Variants in DENND5B observed in about 807,000 individuals in gnomAD.
DENND5B encodes DENN domain-containing protein 5B.
DENND5B carries 34 observed loss-of-function variants against 140.6 expected under a neutral mutation model. That is an observed-to-expected ratio of 0.24 (90% CI 0.18 to 0.32). DENND5B has a LOEUF of 0.32. DENND5B is among the 10% of genes least tolerant of loss of function. DENND5B has a pLI of 1.00. For synonymous variants in DENND5B, 551 were observed against 562.1 expected (o/e 0.98, Z 0.28); for missense variants, 1,142 against 1,560.2 (o/e 0.73, Z 4.52).
Position 31,420,095 on chromosome 12 carries a change from C to G in DENND5B, c.2470+3502G>C, listed in dbSNP as rs73078600. The G allele has an allele frequency of 9.9e-3, 9,765 of 981,992 alleles. 68 individuals are homozygous for G. Among genetic ancestry groups the G allele is most frequent in the Middle Eastern group, 0.046 (87 of 1,908 alleles). The allele number at this position is 981,992 out of a possible 1,614,324, so 60.8% of individuals were successfully genotyped here. On this transcript the variant is annotated intron_variant, in intron 11 of 20. Transcript: ENST00000389082. ...TTTAGTAGAACCTTGTCTGAAGGTG[C>G]AAAGTTTAAGAACTGGCTCAACGTT...
At chr12:31,576,696 A>C (rs1293892492) in intron 1 of DENND5B, among the ~76,000 whole-genome samples, 1 of 152,020 alleles carries the variant, frequency 6.6e-6, no homozygotes, top group East Asian at 1.9e-4. Context: ...CAGCTTGAGC[A>C]ATAAAGCAAG....
chr12:31,575,332 A>T (rs1052731913), intron 1 of DENND5B, among the ~76,000 whole-genome samples: 1 of 152,208 alleles, frequency 6.6e-6, no homozygotes, highest in Non-Finnish European at 1.5e-5. Context: ...TGTCATTCTC[A>T]TAGAATTCCA....
At chr12:31,536,141 G>C (rs937080132) in intron 1 of DENND5B, among the ~76,000 whole-genome samples, 1 of 152,076 alleles carries the variant, frequency 6.6e-6, no homozygotes, top group African/African-American at 2.4e-5. Context: ...CCCAGAAGTC[G>C]AGCAGATGTC....
chr12:31,481,544 C>A (rs1033662563), intron 2 of DENND5B, among the ~76,000 whole-genome samples: 1 of 152,092 alleles, frequency 6.6e-6, no homozygotes, highest in Non-Finnish European at 1.5e-5. Context: ...AAAAATGAAG[C>A]CCAACTGAAA....
chr12:31,452,256 C>T lies in DENND5B; in HGVS notation c.1313G>A (p.Cys438Tyr). 6.2e-7 allele frequency: 1 copy of T among 1,613,930 alleles called. No homozygotes were observed. Among genetic ancestry groups the T allele is most frequent in the African/African-American group, 1.3e-5 (1 of 75,020 alleles). The change falls in exon 5 of 21, where the codon TGT becomes TAT. Residue 438 changes from cysteine (C) to tyrosine (Y), a missense_variant. Cys to Tyr is a radical substitution (Grantham distance 194, BLOSUM62 -2). Coordinates refer to ENST00000389082, the MANE Select transcript of DENND5B (RefSeq NM_144973.4). ...CTCATACATGCTGATGTTATTAGTA[C>T]AGACATTGCCGTTCTTTTTGTCATT... ...LVNDKKNGNV[C>Y]TNNISMYELL...
At chr12:31,461,841 G>A (rs915127510) in intron 3 of DENND5B, among the ~76,000 whole-genome samples, 2 of 152,114 alleles carry the variant, frequency 1.3e-5, no homozygotes, top group African/African-American at 4.8e-5. Flanking sequence ...ATCTTTGGGA[G>A]GAAGAATTTA....
rs1297224060 is a variant in DENND5B, at chr12:31,384,543, T to C, written c.*3060A>G. On this transcript the variant is annotated 3_prime_UTR_variant, in exon 21 of 21. Coordinates refer to ENST00000389082, the MANE Select transcript of DENND5B (RefSeq NM_144973.4). ...CCCCACATGTTTATAGCACAGGCTG[T>C]ATCAACGGAATAAGTACATGGGCTC... is the stretch of plus-strand genomic sequence containing the variant. The C allele has an allele frequency of 3.9e-5, 6 of 152,298 alleles. No individual in the cohort carries two copies. The highest frequency in any genetic ancestry group is 2.1e-4 in the South Asian group (1 of 4,822). The allele number at this position is 152,298 out of a possible 1,614,324, so 9.4% of individuals were successfully genotyped here.
intron 1 of DENND5B, among the ~76,000 whole-genome samples, chr12:31,528,811 C>G (rs1948176164): frequency 6.6e-6 from 1 of 152,106 alleles, no homozygotes; most frequent in Admixed American, 6.6e-5. Flanking sequence ...GGAGGGAGGT[C>G]TGAGCTAGAG....
At chr12:31,471,188 G>A (rs1433656461) in intron 3 of DENND5B, among the ~76,000 whole-genome samples, 1 of 152,138 alleles carries the variant, frequency 6.6e-6, no homozygotes, top group Non-Finnish European at 1.5e-5. Flanking sequence ...AAAATTATGT[G>A]GAAACCGCCT....
Position 31,385,320 on chromosome 12 carries a change from C to G in DENND5B, c.*2283G>C, listed in dbSNP as rs1426126810. On this transcript the variant is annotated 3_prime_UTR_variant, in exon 21 of 21. Transcript: ENST00000389082. ...TTCTAGAGCTTGTGTTGTCAGTAAC[C>G]AGCTGTGGGGTAAGTGTAAGATTTA... 4 of 152,108 alleles carry G rather than the reference C, an allele frequency of 2.6e-5. No homozygotes were observed. The highest frequency in any genetic ancestry group is 5.9e-5 in the Non-Finnish European group (4 of 68,026). 9.4% of individuals were successfully genotyped at this position (152,108 alleles called of 1,614,324 possible).
At chr12:31,491,320 G>A (rs969274295) in intron 2 of DENND5B, among the ~76,000 whole-genome samples, 6 of 152,138 alleles carry the variant, frequency 3.9e-5, no homozygotes, top group South Asian at 2.1e-4. Context: ...AGGCGTGATG[G>A]TGCGCGACTA....
At chr12:31,473,871 T>C (rs1256436957) in intron 3 of DENND5B, among the ~76,000 whole-genome samples, 2 of 152,198 alleles carry the variant, frequency 1.3e-5, no homozygotes, top group African/African-American at 4.8e-5. Flanking sequence ...TTCTCACATA[T>C]AGGGAGCCTC....
At chr12:31,500,191 G>C (rs1365591874) in intron 1 of DENND5B, among the ~76,000 whole-genome samples, 2 of 152,078 alleles carry the variant, frequency 1.3e-5, no homozygotes, top group African/African-American at 2.4e-5. Flanking sequence ...TTTTGGATTA[G>C]GAATGCTCAA....
chr12:31,403,375 CCCTT>C (rs1299888382), intron 14 of DENND5B, among the ~76,000 whole-genome samples: 4 of 125,590 alleles, frequency 3.2e-5, no homozygotes, highest in African/African-American at 1.0e-4. Context: ...TGCATGTCCT[CCCTT>C]CTTTTTTTTT....
intron 11 of DENND5B, among the ~76,000 whole-genome samples, chr12:31,416,011 A>AT (rs1408768361): frequency 6.6e-6 from 1 of 150,668 alleles, no homozygotes; most frequent in Non-Finnish European, 1.5e-5. Flanking sequence ...AATTTTTTGT[A>AT]TTTTTAGGAG....
At chr12:31,409,455 CA>C in intron 13 of DENND5B, 71 bp from the exon 14 acceptor site, 3 of 918,696 alleles carry the variant, frequency 3.3e-6, no homozygotes, top group Non-Finnish European at 4.2e-6. Context: ...ACAGTAGTAT[CA>C]TGTACTTTTC....
chr12:31,588,037 T>C (rs1016847033), intron 1 of DENND5B, among the ~76,000 whole-genome samples: 9 of 152,186 alleles, frequency 5.9e-5, no homozygotes, highest in African/African-American at 2.2e-4. Context: ...CATGAGGCCC[T>C]ATACAATCTC....
In DENND5B at chr12:31,586,697, T is replaced by C. The variant is rs559962209; in HGVS notation, c.127+4009A>G. Among the ~76,000 whole-genome samples, 6 of 152,318 alleles carry C rather than the reference T, an allele frequency of 3.9e-5. No homozygotes were observed. In the East Asian group the frequency reaches 9.6e-4, roughly 24 times the overall value. On this transcript the variant is annotated intron_variant, in intron 1 of 20. Coordinates refer to ENST00000389082, the MANE Select transcript of DENND5B (RefSeq NM_144973.4). The stretch of plus-strand genomic sequence containing the variant: ...TCTTTGATTTCAATGTCCCACCACC[T>C]GCAGAGTGTGAATTCTAGGAATATG...
chr12:31,460,060 C>T (rs1944944248), intron 4 of DENND5B, 134 bp downstream of exon 4: 2 of 841,290 alleles, frequency 2.4e-6, no homozygotes, highest in Non-Finnish European at 3.6e-6. Flanking sequence ...TCAGGCTCTC[C>T]CCTAGCCATA....
Sources: gnomAD v4.1 joint callset for allele counts (sites outside exome capture counted in the v4.1 genomes callset) on GRCh38, gnomAD v4.1.1 for gene constraint, MANE v1.5 for transcripts, NCBI Gene and HGNC (gene_info 2026-07-23, HGNC 2026-07-21) for gene names.